The following FAF1 variants were observed in gnomAD, a reference collection of about 807,000 sequenced individuals.
The protein encoded by FAF1 is Fas associated factor 1, also known as FAS-associated factor 1.
A neutral mutation model predicts 92.5 loss-of-function variants in FAF1; 25 were observed. The ratio of observed to expected loss-of-function variants is 0.27; its 90% confidence interval spans 0.20 to 0.38. The LOEUF (loss-of-function observed/expected upper bound fraction) is 0.38, where lower values mean the gene tolerates loss of function less well. Among genes scored for constraint, FAF1 ranks in the 10% least tolerant of loss-of-function variants. The probability of loss-of-function intolerance (pLI) is 1.00; values close to 1 mark genes in which losing one functional copy is unlikely to be tolerated. For missense variants in FAF1, 636 were observed against 793.3 expected (o/e 0.80, Z 2.38); for synonymous variants, 234 against 273.2 (o/e 0.86, Z 1.42).
intron 17 of FAF1, among the ~76,000 whole-genome samples, chr1:50,488,780 C>G (rs1450443556): frequency 5.3e-5 from 8 of 152,188 alleles, no homozygotes; most frequent in Non-Finnish European, 1.0e-4. Context: ...AGATAAATCT[C>G]TAACCTTGTA....
rs963862908 is a variant in FAF1 at position 50,585,137 on chromosome 1, A to T, written c.841-326T>A. ...ATGAGAAAATGGGTACAACTGGAGA[A>T]GTCAGAGACAAAGTAAGTTATGCGT... is the stretch of plus-strand genomic sequence containing the variant. On this transcript the variant is annotated intron_variant, in intron 9 of 18. Coordinates refer to ENST00000396153, the MANE Select transcript of FAF1 (RefSeq NM_007051.3). 2.6e-5 allele frequency among the ~76,000 whole-genome samples: 4 copies of T among 152,238 alleles called. No homozygotes were observed. The East Asian group carries it at 7.7e-4, about 29-fold the overall frequency.
intron 2 of FAF1, among the ~76,000 whole-genome samples, chr1:50,813,875 G>C (rs1181674709): frequency 6.6e-6 from 1 of 151,586 alleles, no homozygotes; most frequent in Admixed American, 6.6e-5. Flanking sequence ...GAAAACATAT[G>C]CTCCAAAGAT....
chr1:50,916,234 T>A (rs1349858642), intron 1 of FAF1, among the ~76,000 whole-genome samples: 2 of 152,202 alleles, frequency 1.3e-5, no homozygotes, highest in Non-Finnish European at 2.9e-5. Flanking sequence ...GTTGATATTA[T>A]TCAGTCTTGA....
chr1:50,518,641 C>T (rs1487800323), intron 15 of FAF1, among the ~76,000 whole-genome samples: 4 of 152,014 alleles, frequency 2.6e-5, no homozygotes, highest in South Asian at 2.1e-4. Flanking sequence ...GGAGTTTCAC[C>T]GTGTTAGCCA....
intron 1 of FAF1, among the ~76,000 whole-genome samples, chr1:50,884,636 T>A (rs537395190): frequency 6.6e-6 from 1 of 152,342 alleles, no homozygotes; most frequent in South Asian, 2.1e-4. Context: ...ATAACTTTTT[T>A]AATGTGTTGT....
At chr1:50,880,171 G>A (rs113179718) in intron 1 of FAF1, among the ~76,000 whole-genome samples, 2,047 of 152,192 alleles carry the variant, frequency 0.013, 18 homozygotes, top group Middle Eastern at 0.058. Flanking sequence ...AGTGTCTAAG[G>A]AGCATGCTTT....
chr1:50,941,461 C>T (rs1645132490), intron 1 of FAF1, among the ~76,000 whole-genome samples: 1 of 152,190 alleles, frequency 6.6e-6, no homozygotes, highest in Non-Finnish European at 1.5e-5. Flanking sequence ...AAGTGATCCA[C>T]CCATCTCAGC....
intron 4 of FAF1, among the ~76,000 whole-genome samples, chr1:50,754,962 C>T (rs1447506701): frequency 6.6e-6 from 1 of 152,048 alleles, no homozygotes; most frequent in African/African-American, 2.4e-5. Context: ...ACTCAATTAC[C>T]TCCCACAAGG....
At chr1:50,444,646 T>C (rs1347082590) in intron 18 of FAF1, among the ~76,000 whole-genome samples, 1 of 152,230 alleles carries the variant, frequency 6.6e-6, no homozygotes, top group Non-Finnish European at 1.5e-5. Flanking sequence ...GTCATCATCA[T>C]AGCAGCAACT....
chr1:50,495,818 T>C (rs1646891287), intron 15 of FAF1, among the ~76,000 whole-genome samples: 1 of 152,202 alleles, frequency 6.6e-6, no homozygotes, highest in Non-Finnish European at 1.5e-5. Flanking sequence ...TGAGGTGAGA[T>C]GATATCTTAC....
chr1:50,605,710 T>G (rs1439183116), intron 8 of FAF1, among the ~76,000 whole-genome samples: 1 of 152,190 alleles, frequency 6.6e-6, no homozygotes, highest in Non-Finnish European at 1.5e-5. Context: ...AAGAACATAT[T>G]AAACACATTG....
chr1:50,585,374 G>C (rs1423053929), intron 9 of FAF1, among the ~76,000 whole-genome samples: 1 of 152,154 alleles, frequency 6.6e-6, no homozygotes, highest in Non-Finnish European at 1.5e-5. Context: ...TTTTACATAT[G>C]AGTTGTAATA....
intron 2 of FAF1, among the ~76,000 whole-genome samples, chr1:50,826,938 T>C (rs996874693): frequency 2.8e-4 from 43 of 151,792 alleles, no homozygotes; most frequent in Non-Finnish European, 4.9e-4. Flanking sequence ...GGAGCGCCTG[T>C]GCCCGGCCGC....
At chr1:50,486,299 C>G (rs1177062278) in intron 17 of FAF1, among the ~76,000 whole-genome samples, 1 of 152,166 alleles carries the variant, frequency 6.6e-6, no homozygotes, top group South Asian at 2.1e-4. Context: ...ACCCAAGATT[C>G]GCCAAAATTC....
At chr1:50,673,440 T>C (rs776955255) in intron 7 of FAF1, among the ~76,000 whole-genome samples, 3 of 152,178 alleles carry the variant, frequency 2.0e-5, no homozygotes, top group Non-Finnish European at 2.9e-5. Flanking sequence ...GAGTACCTAA[T>C]AGCAGGAAGG....
intron 1 of FAF1, 95 bp downstream of exon 1, chr1:50,959,672 C>T (rs761346080): frequency 1.1e-5 from 12 of 1,080,544 alleles, no homozygotes; most frequent in Non-Finnish European, 1.7e-5. Context: ...AATGACACAC[C>T]ACTGCAGCGT....
chr1:50,770,588 G>T (rs1660743224), intron 4 of FAF1, among the ~76,000 whole-genome samples: 1 of 152,058 alleles, frequency 6.6e-6, no homozygotes, highest in Non-Finnish European at 1.5e-5. Flanking sequence ...ACAAAAGACT[G>T]CATGAAGATA....
intron 1 of FAF1, among the ~76,000 whole-genome samples, chr1:50,891,529 G>A (rs759341608): frequency 2.0e-5 from 3 of 152,204 alleles, no homozygotes; most frequent in Non-Finnish European, 4.4e-5. Context: ...GTGACATACA[G>A]ATGAGGTTTT....
At chr1:50,444,307 T>C (rs913610622) in intron 18 of FAF1, among the ~76,000 whole-genome samples, 1 of 152,232 alleles carries the variant, frequency 6.6e-6, no homozygotes, top group Non-Finnish European at 1.5e-5. Flanking sequence ...AAAAGCTATG[T>C]TCTCCGAGAG....
Sources: gnomAD v4.1 joint callset for allele counts (sites outside exome capture counted in the v4.1 genomes callset) on GRCh38, gnomAD v4.1.1 for gene constraint, MANE v1.5 for transcripts, NCBI Gene and HGNC (gene_info 2026-07-23, HGNC 2026-07-21) for gene names.